Variants in CORIN observed in about 807,000 individuals in gnomAD.
The protein encoded by CORIN is corin, serine peptidase, also known as atrial natriuretic peptide-converting enzyme.
CORIN carries 117 observed loss-of-function variants against 125.3 expected under a neutral mutation model. The observed-to-expected ratio is 0.93, with a 90% CI of 0.80 to 1.09. The LOEUF (loss-of-function observed/expected upper bound fraction) is 1.09, where lower values mean the gene tolerates loss of function less well. CORIN is among the 50% of genes least tolerant of loss of function. CORIN has a pLI of 0.00. For synonymous variants in CORIN, 450 were observed against 466.4 expected, an observed-to-expected ratio of 0.96 and a Z score of 0.45; for missense variants, 1,253 against 1,306.7, an observed-to-expected ratio of 0.96 and a Z score of 0.63.
At chr4:47,815,311 A>G (rs1732219996) in intron 1 of CORIN, among the ~76,000 whole-genome samples, 1 of 147,100 alleles carries the variant, frequency 6.8e-6, no homozygotes, top group Admixed American at 7.0e-5. Flanking sequence ...AAGAGTCCTG[A>G]TTTTTTTTTA....
Position 47,718,487 on chromosome 4 carries a change from G to C in CORIN, c.800-25404C>G, listed in dbSNP as rs185341931. Among the ~76,000 whole-genome samples the C allele has an allele frequency of 5.3e-3, 805 of 152,264 alleles. 4 individuals are homozygous for C. Among genetic ancestry groups the C allele is most frequent in the Non-Finnish European group, 8.8e-3 (599 of 68,010 alleles). On this transcript the variant is annotated intron_variant, in intron 5 of 21. Coordinates refer to ENST00000273857, the MANE Select transcript of CORIN (RefSeq NM_006587.4). ...TATGTAAACCACTTAGCAGTCATTGGCATCCAGCATGCGTGCAATAAAAGT... is the reference window on the plus strand; with the variant it reads ...TATGTAAACCACTTAGCAGTCATTGCCATCCAGCATGCGTGCAATAAAAGT...
intron 2 of CORIN, among the ~76,000 whole-genome samples, chr4:47,794,193 A>G (rs2109930839): frequency 6.6e-6 from 1 of 152,306 alleles, no homozygotes; most frequent in East Asian, 1.9e-4. Flanking sequence ...TTTAAGTGAT[A>G]CTAAGAATAC....
intron 12 of CORIN, among the ~76,000 whole-genome samples, chr4:47,657,408 A>T (rs1323685155): frequency 6.6e-6 from 1 of 151,518 alleles, no homozygotes; most frequent in Non-Finnish European, 1.5e-5. Flanking sequence ...GATGGCGAGC[A>T]CCTATAGTCC....
At chr4:47,831,111 A>G (rs1322547774) in intron 1 of CORIN, among the ~76,000 whole-genome samples, 3 of 152,208 alleles carry the variant, frequency 2.0e-5, no homozygotes, top group African/African-American at 7.2e-5. Context: ...ACAGAGTTTC[A>G]GCACTGACAT....
intron 10 of CORIN, among the ~76,000 whole-genome samples, chr4:47,669,299 T>C (rs1339278234): frequency 1.3e-5 from 2 of 152,234 alleles, no homozygotes; most frequent in African/African-American, 2.4e-5. Context: ...AGAAATCATG[T>C]ATTAAGCGAT....
chr4:47,695,366 C>T (rs1254242724), intron 5 of CORIN, among the ~76,000 whole-genome samples: 1 of 152,194 alleles, frequency 6.6e-6, no homozygotes, highest in Non-Finnish European at 1.5e-5. Context: ...CATTCCCCAC[C>T]TATGGCTCCG....
Position 47,594,570 on chromosome 4 carries a change from A to G in CORIN, c.*1151T>C, listed in dbSNP as rs1031623041. On this transcript the variant is annotated 3_prime_UTR_variant, in exon 22 of 22. Transcript: ENST00000273857. ...CCAATGAGAAGAAACCAGATATTAAACATCTTTTGAGGAAAATTACAAAAT... is the reference window on the plus strand; with the variant it reads ...CCAATGAGAAGAAACCAGATATTAAGCATCTTTTGAGGAAAATTACAAAAT... 3 of 152,316 alleles carry G rather than the reference A, an allele frequency of 2.0e-5. No individual in the cohort carries two copies. The highest frequency in any genetic ancestry group is 1.5e-5 in the Non-Finnish European group (1 of 68,032). 9.4% of individuals were successfully genotyped at this position (152,316 alleles called of 1,614,324 possible).
At chr4:47,623,801 T>C (rs1368518790) in intron 18 of CORIN, 56 bp from the exon 19 acceptor site, 5 of 1,611,742 alleles carry the variant, frequency 3.1e-6, no homozygotes, top group East Asian at 4.5e-5. Flanking sequence ...TGCTAAATGC[T>C]TAGCTCTTTG....
chr4:47,806,677 A>G (rs1731810136), intron 2 of CORIN, among the ~76,000 whole-genome samples: 1 of 152,190 alleles, frequency 6.6e-6, no homozygotes. Context: ...CCTAGTAATC[A>G]TTCCTTAAAT....
At chr4:47,813,459 A>G (rs2109962555) in intron 1 of CORIN, among the ~76,000 whole-genome samples, 1 of 152,350 alleles carries the variant, frequency 6.6e-6, no homozygotes, top group South Asian at 2.1e-4. Context: ...ATATGCACTC[A>G]GAGAAATTGT....
intron 1 of CORIN, among the ~76,000 whole-genome samples, chr4:47,821,490 A>T (rs1179468810): frequency 6.6e-6 from 1 of 151,428 alleles, no homozygotes. Context: ...ACATACTTAT[A>T]AAAAAAACTG....
intron 1 of CORIN, among the ~76,000 whole-genome samples, chr4:47,815,811 G>A (rs1295091799): frequency 1.3e-5 from 2 of 152,118 alleles, no homozygotes; most frequent in Non-Finnish European, 2.9e-5. Flanking sequence ...TGATAAAAAT[G>A]TTCTAAATTT....
At chr4:47,599,288 G>A (rs1293996604) in intron 21 of CORIN, among the ~76,000 whole-genome samples, 1 of 152,120 alleles carries the variant, frequency 6.6e-6, no homozygotes, top group Non-Finnish European at 1.5e-5. Context: ...TCTTTCCCAT[G>A]ACAACTATCT....
At chr4:47,835,607 C>G (rs1235473381) in intron 1 of CORIN, among the ~76,000 whole-genome samples, 2 of 152,228 alleles carry the variant, frequency 1.3e-5, no homozygotes, top group East Asian at 1.9e-4. Context: ...AGCTTCTCCT[C>G]TAACTTCCTG....
At chr4:47,618,061 G>A (rs181749906) in intron 19 of CORIN, among the ~76,000 whole-genome samples, 13 of 152,288 alleles carry the variant, frequency 8.5e-5, no homozygotes, top group Admixed American at 3.9e-4. Context: ...TGGGCTGAGC[G>A]CAGTGGCTCA....
chr4:47,751,877 T>C (rs1406655140), intron 4 of CORIN, among the ~76,000 whole-genome samples: 1 of 152,198 alleles, frequency 6.6e-6, no homozygotes, highest in Admixed American at 6.5e-5. Context: ...TTTCCAGGTA[T>C]CTTTGTTGAA....
chr4:47,606,624 C>T (rs1721653213), intron 19 of CORIN, among the ~76,000 whole-genome samples: 1 of 151,778 alleles, frequency 6.6e-6, no homozygotes, highest in Non-Finnish European at 1.5e-5. Context: ...TCCTTCCTTC[C>T]TACCTTCTTT....
intron 7 of CORIN, 198 bp from the exon 8 acceptor site, chr4:47,680,449 G>A (rs34579563): frequency 0.013 from 6,476 of 499,454 alleles, 66 homozygotes; most frequent in Non-Finnish European, 0.017. Context: ...ATCACTGTGG[G>A]GTAAGATGGG....
chr4:47,624,625 G>A (rs751676886), intron 17 of CORIN, among the ~76,000 whole-genome samples: 6 of 152,112 alleles, frequency 3.9e-5, no homozygotes, highest in Non-Finnish European at 7.4e-5. Flanking sequence ...TACAAGAATT[G>A]TGGGTTCAGG....
Sources: gnomAD v4.1 joint callset for allele counts (sites outside exome capture counted in the v4.1 genomes callset) on GRCh38, gnomAD v4.1.1 for gene constraint, MANE v1.5 for transcripts, NCBI Gene and HGNC (gene_info 2026-07-23, HGNC 2026-07-21) for gene names.